The following GRM7 variants were observed in gnomAD, a reference collection of about 807,000 sequenced individuals.
GRM7 encodes metabotropic glutamate receptor 7.
Under a neutral mutation model 84.5 loss-of-function variants are expected in GRM7, and 35 were observed. The ratio of observed to expected loss-of-function variants is 0.41; its 90% CI spans 0.32 to 0.55. The LOEUF (loss-of-function observed/expected upper bound fraction) is 0.55. Among genes scored for constraint, GRM7 ranks in the 20% least tolerant of loss-of-function variants. The pLI is 0.19. For missense variants in GRM7, 1,003 were observed against 1,194.6 expected (o/e 0.84, Z 2.36); for synonymous variants, 487 against 455.1 (o/e 1.07, Z -0.89).
rs747312914 is a variant in GRM7, at chr3:7,306,575, A to G, written c.956A>G (p.Lys319Arg). The G allele has an allele frequency of 4.3e-6, 7 of 1,613,788 alleles. No homozygotes were observed. The African/African-American group carries it at 9.3e-5, about 22-fold the overall frequency. ...LWVGSDSWGS[K>R]INPLHQHEDI... ...GTGGGATCAGACAGCTGGGGATCCA[A>G]AATAAACCCACTGCACCAGCATGAA... The change falls in exon 4 of 10, where the codon AAA becomes AGA. Residue 319 changes from lysine to arginine, a missense_variant. Transcript: ENST00000357716.
intron 6 of GRM7, among the ~76,000 whole-genome samples, chr3:7,453,626 G>T (rs1278487254): frequency 6.6e-6 from 1 of 152,104 alleles, no homozygotes; most frequent in East Asian, 1.9e-4. Flanking sequence ...GGGATTTGGG[G>T]TGTGCTGGCC....
At chr3:7,690,346 C>T (rs1004212794) in intron 9 of GRM7, among the ~76,000 whole-genome samples, 3 of 151,934 alleles carry the variant, frequency 2.0e-5, no homozygotes, top group East Asian at 1.9e-4. Flanking sequence ...ACCTAGAACT[C>T]GGTAGATGCA....
chr3:7,738,716 G>C (rs2106532529), intron 9 of GRM7, among the ~76,000 whole-genome samples: 1 of 149,234 alleles, frequency 6.7e-6, no homozygotes, highest in South Asian at 2.1e-4. Flanking sequence ...ACAAGCTTCT[G>C]GGTTTTCTTT....
intron 2 of GRM7, among the ~76,000 whole-genome samples, chr3:7,280,200 C>T (rs374486972): frequency 2.4e-4 from 37 of 152,164 alleles, no homozygotes; most frequent in African/African-American, 7.5e-4. Context: ...AATTTATCTA[C>T]ATTAGCAAAA....
intron 9 of GRM7, among the ~76,000 whole-genome samples, chr3:7,722,733 C>T (rs555416796): frequency 2.0e-5 from 3 of 152,154 alleles, no homozygotes; most frequent in South Asian, 2.1e-4. Context: ...TGAGCCACCA[C>T]GCCCGGCCCC....
At chr3:7,585,865 G>C (rs1695494139) in intron 8 of GRM7, among the ~76,000 whole-genome samples, 2 of 152,272 alleles carry the variant, frequency 1.3e-5, no homozygotes, top group South Asian at 4.1e-4. Context: ...GTGTGCTGAT[G>C]GGCAGTCAGG....
At chr3:7,679,839 A>G (rs1252665827) in intron 8 of GRM7, among the ~76,000 whole-genome samples, 1 of 152,224 alleles carries the variant, frequency 6.6e-6, no homozygotes. Context: ...AAGCATGTGC[A>G]TGGATTGACC....
chr3:7,581,878 T>C (rs1695273186), intron 8 of GRM7, among the ~76,000 whole-genome samples: 2 of 152,030 alleles, frequency 1.3e-5, no homozygotes, highest in Admixed American at 1.3e-4. Context: ...TTGCAAAATA[T>C]TAACCCCCAT....
chr3:6,872,533 T>C (rs934010287), intron 1 of GRM7, among the ~76,000 whole-genome samples: 5 of 152,176 alleles, frequency 3.3e-5, no homozygotes, highest in Non-Finnish European at 5.9e-5. Context: ...TACATAGGTA[T>C]ACATGTGCCA....
chr3:7,601,957 A>G (rs1696334161), intron 8 of GRM7, among the ~76,000 whole-genome samples: 1 of 152,006 alleles, frequency 6.6e-6, no homozygotes, highest in Non-Finnish European at 1.5e-5. Context: ...GAGGAGAGGA[A>G]GAATCATGAA....
intron 1 of GRM7, among the ~76,000 whole-genome samples, chr3:7,103,812 T>TC (rs1559443596): frequency 1.7e-4 from 14 of 81,810 alleles, no homozygotes; most frequent in African/African-American, 1.1e-3. Flanking sequence ...CTTTCTTTCT[T>TC]TCTTTCTCTC....
chr3:6,961,906 A>G (rs1490247445), intron 1 of GRM7, among the ~76,000 whole-genome samples: 1 of 152,112 alleles, frequency 6.6e-6, no homozygotes, highest in Non-Finnish European at 1.5e-5. Context: ...ACACCATCCC[A>G]TCTAAAAAAA....
chr3:7,490,205 C>A (rs1699471231), intron 7 of GRM7, among the ~76,000 whole-genome samples: 1 of 151,894 alleles, frequency 6.6e-6, no homozygotes, highest in Non-Finnish European at 1.5e-5. Context: ...TTTCTTTTTT[C>A]TGAACCATTT....
chr3:7,565,300 T>C (rs79777507), intron 7 of GRM7, among the ~76,000 whole-genome samples: 51 of 152,312 alleles, frequency 3.3e-4, no homozygotes, highest in African/African-American at 1.2e-3. Flanking sequence ...TTCCCAGATA[T>C]TGAATTACAA....
intron 5 of GRM7, among the ~76,000 whole-genome samples, chr3:7,431,276 C>A (rs1278193237): frequency 1.3e-5 from 2 of 152,094 alleles, no homozygotes; most frequent in Admixed American, 1.3e-4. Flanking sequence ...GAATAAATCT[C>A]AAAAATTTTT....
chr3:7,610,279 A>G (rs1696789424), intron 8 of GRM7, among the ~76,000 whole-genome samples: 1 of 152,188 alleles, frequency 6.6e-6, no homozygotes, highest in South Asian at 2.1e-4. Context: ...TCTGCTGAGT[A>G]AAGAATTAGC....
At chr3:7,295,952 G>A (rs1043141583) in intron 2 of GRM7, among the ~76,000 whole-genome samples, 2 of 152,056 alleles carry the variant, frequency 1.3e-5, no homozygotes, top group East Asian at 3.9e-4. Flanking sequence ...GTATTGAACA[G>A]GATAGGGCAA....
intron 5 of GRM7, among the ~76,000 whole-genome samples, chr3:7,443,686 G>A (rs997656503): frequency 5.3e-5 from 8 of 152,038 alleles, no homozygotes; most frequent in African/African-American, 1.2e-4. Context: ...ATTTGGTTAT[G>A]TATTTGACAG....
At chr3:7,272,117 C>G (rs1351629268) in intron 2 of GRM7, among the ~76,000 whole-genome samples, 1 of 152,112 alleles carries the variant, frequency 6.6e-6, no homozygotes, top group Non-Finnish European at 1.5e-5. Flanking sequence ...TTCTCAGTTG[C>G]TATCTTTTTG....
Sources: gnomAD v4.1 joint callset for allele counts (sites outside exome capture counted in the v4.1 genomes callset) on GRCh38, gnomAD v4.1.1 for gene constraint, MANE v1.5 for transcripts, NCBI Gene and HGNC (gene_info 2026-07-23, HGNC 2026-07-21) for gene names.